CTNNA1: variants seen among roughly 807,000 people sequenced by gnomAD.
CTNNA1 encodes the protein catenin alpha-1.
CTNNA1 carries 37 observed loss-of-function variants against 98.4 expected under a neutral mutation model. The ratio of observed to expected loss-of-function variants is 0.38; its 90% CI spans 0.29 to 0.49. The LOEUF (loss-of-function observed/expected upper bound fraction) is 0.49. Among genes scored for constraint, CTNNA1 ranks in the 20% least tolerant of loss-of-function variants. The pLI, the probability that CTNNA1 is intolerant of heterozygous loss-of-function variation, is 0.95. For synonymous variants in CTNNA1, 404 were observed against 413.2 expected, an observed-to-expected ratio of 0.98 and a Z score of 0.27; for missense variants, 761 against 1,147.2, an observed-to-expected ratio of 0.66 and a Z score of 4.86.
intron 9 of CTNNA1, among the ~76,000 whole-genome samples, chr5:138,889,849 T>C (rs181577136): frequency 3.3e-5 from 5 of 152,264 alleles, no homozygotes; most frequent in Admixed American, 3.3e-4. Flanking sequence ...GATGTATAAT[T>C]GCATATGTCC....
chr5:138,882,345 A>G (rs113277443), intron 7 of CTNNA1, among the ~76,000 whole-genome samples: 3,472 of 152,246 alleles, frequency 0.023, 133 homozygotes, highest in African/African-American at 0.08. Context: ...ACAAAAATGT[A>G]TGTGGGTGGG....
chr5:138,920,275 C>T (rs994182109), intron 11 of CTNNA1, among the ~76,000 whole-genome samples: 28 of 152,166 alleles, frequency 1.8e-4, no homozygotes, highest in African/African-American at 6.3e-4. Context: ...CCACCGTGCC[C>T]GGTCTAGGTG....
At chr5:138,769,752 C>G (rs1048563216) in intron 1 of CTNNA1, among the ~76,000 whole-genome samples, 1 of 151,916 alleles carries the variant, frequency 6.6e-6, no homozygotes, top group Admixed American at 6.6e-5. Flanking sequence ...AGGCTGGTCT[C>G]GAACTCCCGA....
intron 9 of CTNNA1, among the ~76,000 whole-genome samples, chr5:138,899,508 C>T (rs979367902): frequency 5.3e-5 from 8 of 152,284 alleles, no homozygotes; most frequent in Non-Finnish European, 8.8e-5. Context: ...CTGAGAAATA[C>T]CCTCTTTCCA....
chr5:138,873,540 T>G lies in CTNNA1; in HGVS notation c.1063-12672T>G. 1 of 1,614,012 alleles carries G rather than the reference T, an allele frequency of 6.2e-7. No individual in the cohort carries two copies. On this transcript the variant is annotated intron_variant, in intron 7 of 17. Coordinates refer to ENST00000302763, the MANE Select transcript of CTNNA1 (RefSeq NM_001903.5). This position sits in a 1 kb window ranked among gnomAD's most constrained non-coding sequence, Gnocchi z 6.1. Reference sequence around the variant, plus strand: ...TCCTCTCCTTGGGTGTGGTCAGGACTGTGGCATAGGATGGAGTGTTCCCAC... The same window carrying G: ...TCCTCTCCTTGGGTGTGGTCAGGACGGTGGCATAGGATGGAGTGTTCCCAC...
intron 9 of CTNNA1, among the ~76,000 whole-genome samples, chr5:138,889,690 C>A (rs1468502159): frequency 1.4e-5 from 2 of 145,672 alleles, no homozygotes; most frequent in South Asian, 2.3e-4. Flanking sequence ...CAGTTCTGAC[C>A]CCTTTCTAAC....
rs2149736973 is a variant in CTNNA1 at position 138,812,308 on chromosome 5, G to A, written c.588+6G>A. On this transcript the variant is annotated splice_donor_region_variant and intron_variant, in intron 5 of 17. Coordinates refer to ENST00000302763, the MANE Select transcript of CTNNA1 (RefSeq NM_001903.5). ...TGGCAGCCAAAAGACAACAGGTACAGTCATGATTTGGGGATATATTAAAGT... is the reference window on the plus strand; with the variant it reads ...TGGCAGCCAAAAGACAACAGGTACAATCATGATTTGGGGATATATTAAAGT... 6.2e-7 allele frequency: 1 copy of A among 1,608,518 alleles called. No individual in the cohort carries two copies. The highest frequency in any genetic ancestry group is 8.5e-7 in the Non-Finnish European group (1 of 1,178,664).
chr5:138,849,272 T>C (rs773893975), intron 7 of CTNNA1, among the ~76,000 whole-genome samples: 1 of 152,188 alleles, frequency 6.6e-6, no homozygotes, highest in African/African-American at 2.4e-5. Flanking sequence ...TATTTTTTTT[T>C]AAAATTAGCA....
At chr5:138,765,345 C>G (rs1239927588) in intron 1 of CTNNA1, among the ~76,000 whole-genome samples, 1 of 151,656 alleles carries the variant, frequency 6.6e-6, no homozygotes, top group Non-Finnish European at 1.5e-5. Flanking sequence ...CCGGCCCCAG[C>G]TAATTTTCTT....
intron 4 of CTNNA1, among the ~76,000 whole-genome samples, chr5:138,811,493 G>A (rs1440980850): frequency 3.0e-5 from 4 of 133,756 alleles, no homozygotes; most frequent in African/African-American, 8.4e-5. Context: ...GGGCAGAGAC[G>A]CTCCTCACTT....
intron 7 of CTNNA1, among the ~76,000 whole-genome samples, chr5:138,865,060 C>T (rs947168691): frequency 7.2e-5 from 11 of 152,184 alleles, no homozygotes; most frequent in African/African-American, 2.4e-4. Flanking sequence ...GATCCACCCG[C>T]CTCTGCCTCC....
intron 4 of CTNNA1, among the ~76,000 whole-genome samples, chr5:138,811,745 G>A (rs1051464112): frequency 6.6e-6 from 1 of 152,058 alleles, no homozygotes; most frequent in Non-Finnish European, 1.5e-5. Flanking sequence ...GCGAAACCCC[G>A]TCTCCACCAA....
At chr5:138,777,084 G>T (rs1482622814) in intron 1 of CTNNA1, among the ~76,000 whole-genome samples, 1 of 151,168 alleles carries the variant, frequency 6.6e-6, no homozygotes. Context: ...GGGCGGAGGG[G>T]CTCCTCACTT....
chr5:138,887,748 T>C (rs1485069540), intron 9 of CTNNA1, 106 bp downstream of exon 9: 2 of 885,516 alleles, frequency 2.3e-6, no homozygotes, highest in African/African-American at 3.4e-5. Context: ...TCGCTTAACA[T>C]ACAACATGTC....
At chr5:138,773,204 C>T (rs150862733) in intron 1 of CTNNA1, among the ~76,000 whole-genome samples, 298 of 152,250 alleles carry the variant, frequency 2.0e-3, no homozygotes, top group African/African-American at 6.6e-3. Flanking sequence ...CAGGACCCTG[C>T]GCTCATGAAA....
intron 3 of CTNNA1, among the ~76,000 whole-genome samples, chr5:138,801,599 C>A (rs1026207905): frequency 6.6e-6 from 1 of 152,322 alleles, no homozygotes; most frequent in Middle Eastern, 3.4e-3. Flanking sequence ...GCATAAATAA[C>A]CGATGTGCAT....
At chr5:138,843,493 C>T (rs1422026000) in intron 7 of CTNNA1, among the ~76,000 whole-genome samples, 1 of 152,182 alleles carries the variant, frequency 6.6e-6, no homozygotes, top group Non-Finnish European at 1.5e-5. Context: ...TCTTCTCACT[C>T]TCCATTTTAT....
intron 1 of CTNNA1, among the ~76,000 whole-genome samples, chr5:138,776,063 T>TTTTTTTTC (rs1554076765): frequency 6.7e-6 from 1 of 148,226 alleles, no homozygotes; most frequent in Non-Finnish European, 1.5e-5. Flanking sequence ...TTTTTTTTTT[T>TTTTTTTTC]ATTGATCATT....
intron 11 of CTNNA1, among the ~76,000 whole-genome samples, chr5:138,918,125 A>T (rs933625385): frequency 6.6e-6 from 1 of 152,202 alleles, no homozygotes; most frequent in African/African-American, 2.4e-5. Context: ...TTCCCTTGAT[A>T]GGGCTGGTCT....
Sources: gnomAD v4.1 joint callset for allele counts (sites outside exome capture counted in the v4.1 genomes callset) on GRCh38, gnomAD v4.1.1 for gene constraint, Gnocchi (gnomAD v3.1) non-coding constraint, MANE v1.5 for transcripts, NCBI Gene and HGNC (gene_info 2026-07-23, HGNC 2026-07-21) for gene names.